KNL1: variants seen among roughly 807,000 people sequenced by gnomAD.
KNL1 encodes the protein kinetochore scaffold 1, also known as outer kinetochore KNL1 complex subunit KNL1.
In KNL1, 66 loss-of-function variants were observed where a neutral mutation model predicts 201.3. The ratio of observed to expected loss-of-function variants is 0.33; its 90% CI spans 0.27 to 0.40. KNL1 has a LOEUF of 0.40. KNL1 is among the 10% of genes least tolerant of loss of function. The pLI is 1.00. For missense variants in KNL1, 2,815 were observed against 2,690.5 expected (o/e 1.05, Z -1.02); for synonymous variants, 895 against 899.2 (o/e 1.00, Z 0.08).
At position 40,629,347 on chromosome 15, in the gene KNL1, C is replaced by A. The variant is rs2141732040; in HGVS notation, c.5658C>A (p.Pro1886=). 2 of 1,604,990 alleles carry A rather than the reference C, an allele frequency of 1.2e-6. No homozygotes were observed. The highest frequency in any genetic ancestry group is 1.7e-6 in the Non-Finnish European group (2 of 1,177,774). Residue 1886 remains proline, a synonymous_variant, in exon 13 of 26, where the codon CCC becomes CCA. Transcript: ENST00000399668. The part of the protein sequence containing the change: ...LLQVHILIQK[P]RQSNLPGNFT... Reference sequence around the variant, plus strand: ...AGGTCCACATCTTGATACAGAAACCCCGACAGAGCAATCTCCCAGGCAATG... The same window carrying A: ...AGGTCCACATCTTGATACAGAAACCACGACAGAGCAATCTCCCAGGCAATG...
intron 22 of KNL1, among the ~76,000 whole-genome samples, chr15:40,656,031 T>G (rs1893720677): frequency 6.6e-6 from 1 of 152,216 alleles, no homozygotes; most frequent in South Asian, 2.1e-4. Context: ...GTGTATTACT[T>G]AAATTAACAC....
At chr15:40,637,589 A>G (rs1893094682) in intron 13 of KNL1, among the ~76,000 whole-genome samples, 1 of 152,162 alleles carries the variant, frequency 6.6e-6, no homozygotes, top group African/African-American at 2.4e-5. Flanking sequence ...TTCACACCTG[A>G]CCTCATGTAA....
At chr15:40,627,966 AT>A (rs1187360684) in intron 10 of KNL1, 103 bp from the exon 11 acceptor site, 1 of 744,196 alleles carries the variant, frequency 1.3e-6, no homozygotes, top group African/African-American at 1.8e-5. Context: ...TTTCATATGA[AT>A]TATAGATTAA....
At chr15:40,613,252 C>T (rs11856438) in intron 7 of KNL1, among the ~76,000 whole-genome samples, 58,746 of 151,188 alleles carry the variant, frequency 0.39, 11,528 homozygotes, top group Middle Eastern at 0.47. Flanking sequence ...AGAAGAAAAG[C>T]GTGTGTGTGT....
intron 13 of KNL1, among the ~76,000 whole-genome samples, chr15:40,637,748 T>C (rs1442356700): frequency 6.6e-6 from 1 of 152,132 alleles, no homozygotes; most frequent in Non-Finnish European, 1.5e-5. Flanking sequence ...TTATTTAAAA[T>C]ATTATATGAA....
At chr15:40,652,191 G>C (rs1893586180) in intron 21 of KNL1, 86 bp downstream of exon 21, 3 of 807,182 alleles carry the variant, frequency 3.7e-6, no homozygotes, top group Non-Finnish European at 6.1e-6. Flanking sequence ...TTACTATACT[G>C]ATAACTATTG....
At chr15:40,650,717 G>A (rs1389264062) in intron 19 of KNL1, 134 bp downstream of exon 19, 12 of 717,958 alleles carry the variant, frequency 1.7e-5, no homozygotes, top group Non-Finnish European at 2.6e-5. Flanking sequence ...TCTCCACTTT[G>A]AATGGAAACC....
intron 13 of KNL1, among the ~76,000 whole-genome samples, chr15:40,629,649 G>A (rs751281430): frequency 5.9e-5 from 9 of 151,336 alleles, no homozygotes; most frequent in East Asian, 1.9e-4. Context: ...GACTACAGGC[G>A]CGTGCCACCA....
At chr15:40,633,310 CAAA>C (rs35570214) in intron 13 of KNL1, among the ~76,000 whole-genome samples, 2 of 120,248 alleles carry the variant, frequency 1.7e-5, no homozygotes, top group African/African-American at 3.2e-5. Context: ...AACTCTGTCT[CAAA>C]AAAAAAAAAA....
chr15:40,603,260 C>T (rs78150115), intron 2 of KNL1, among the ~76,000 whole-genome samples: 3 of 152,252 alleles, frequency 2.0e-5, no homozygotes, highest in South Asian at 2.1e-4. Flanking sequence ...TGGCAGGCCC[C>T]GGTGAGTGAT....
Position 40,620,676 on chromosome 15 carries a change from G to A in KNL1, c.412G>A (p.Ala138Thr), listed in dbSNP as rs1892487910. The change falls in exon 10 of 26, where the codon GCA becomes ACA. Residue 138 changes from alanine to threonine, a missense_variant. Coordinates refer to ENST00000399668, the MANE Select transcript of KNL1 (RefSeq NM_144508.5). ...AGAACATACCCGTGAAAGGAAACAT[G>A]CAAATGACCAGACAGTCATTTTTTC... Reference protein sequence around the residue: ...IIEHTRERKHANDQTVIFSDE... With the variant: ...IIEHTRERKHTNDQTVIFSDE... 6.3e-7 allele frequency: 1 copy of A among 1,593,622 alleles called. No individual in the cohort carries two copies. Among genetic ancestry groups the A allele is most frequent in the South Asian group, 1.1e-5 (1 of 88,262 alleles).
At chr15:40,608,009 C>A (rs1173601319) in intron 4 of KNL1, among the ~76,000 whole-genome samples, 1 of 151,900 alleles carries the variant, frequency 6.6e-6, no homozygotes, top group Non-Finnish European at 1.5e-5. Context: ...ATGTTCATAG[C>A]GGCATTATTC....
intron 13 of KNL1, among the ~76,000 whole-genome samples, chr15:40,632,008 CAAA>C (rs1335544344): frequency 1.5e-4 from 13 of 88,896 alleles, no homozygotes; most frequent in East Asian, 3.4e-4. Context: ...GACCCTATCT[CAAA>C]AAAAAAAAAA....
chr15:40,630,342 G>A, intron 13 of KNL1, among the ~76,000 whole-genome samples: 1 of 151,076 alleles, frequency 6.6e-6, no homozygotes, highest in South Asian at 2.1e-4. Context: ...TAAAATGGAG[G>A]TTTTATAGAG....
intron 7 of KNL1, among the ~76,000 whole-genome samples, chr15:40,614,467 G>A (rs1218436299): frequency 4.0e-5 from 6 of 150,710 alleles, no homozygotes; most frequent in African/African-American, 4.9e-5. Flanking sequence ...TCCTGACCTC[G>A]GGTGATCTGC....
At chr15:40,655,611 A>G (rs1293521226) in intron 22 of KNL1, among the ~76,000 whole-genome samples, 3 of 125,418 alleles carry the variant, frequency 2.4e-5, no homozygotes, top group Non-Finnish European at 5.2e-5. Context: ...AAAAAAAAAA[A>G]GATTTAAAAA....
intron 2 of KNL1, 29 bp downstream of exon 2, chr15:40,602,995 T>C (rs761330739): frequency 1.5e-5 from 21 of 1,415,128 alleles, no homozygotes; most frequent in Admixed American, 5.3e-5. Context: ...GCTAAAAATA[T>C]TATATTCTAT....
In KNL1 at chr15:40,624,263, C is replaced by G; in HGVS notation, c.3999C>G (p.Cys1333Trp). ...AAGATGAGGAAAAAGCCAATTATTGCCCAGTGCAAAATGATCTTGCTTATG... is the reference window on the plus strand; with the variant it reads ...AAGATGAGGAAAAAGCCAATTATTGGCCAGTGCAAAATGATCTTGCTTATG... Reference protein sequence around the residue: ...CDKDEEKANYCPVQNDLAYAN... With the variant: ...CDKDEEKANYWPVQNDLAYAN... Residue 1333 changes from cysteine (C) to tryptophan (W), a missense_variant, in exon 10 of 26, where the codon TGC becomes TGG. This residue lies in a region of KNL1 where 2,464 missense variants were observed against 2,291.7 expected (regional missense o/e 1.08). Coordinates refer to ENST00000399668, the MANE Select transcript of KNL1 (RefSeq NM_144508.5). The G allele has an allele frequency of 1.9e-6, 3 of 1,613,986 alleles. No homozygotes were observed. The highest frequency in any genetic ancestry group is 2.5e-6 in the Non-Finnish European group (3 of 1,179,960).
intron 2 of KNL1, among the ~76,000 whole-genome samples, chr15:40,604,037 T>G (rs1891895006): frequency 6.6e-6 from 1 of 152,128 alleles, no homozygotes; most frequent in South Asian, 2.1e-4. Flanking sequence ...CTGTTTTAGC[T>G]AGTCCTCAAT....
Sources: gnomAD v4.1 joint callset for allele counts (sites outside exome capture counted in the v4.1 genomes callset) on GRCh38, gnomAD v4.1.1 for gene constraint, gnomAD v4.1.1 regional missense constraint, MANE v1.5 for transcripts, NCBI Gene and HGNC (gene_info 2026-07-23, HGNC 2026-07-21) for gene names.